Variants in DENND3 observed in about 807,000 individuals in gnomAD.
DENND3 encodes the protein DENN domain-containing protein 3.
Under a neutral mutation model 135.1 loss-of-function variants are expected in DENND3, and 88 were observed. That is an observed-to-expected ratio of 0.65 (90% CI 0.55 to 0.78). The LOEUF (loss-of-function observed/expected upper bound fraction) is 0.78. Ranked by LOEUF, DENND3 falls within the 30% of genes least tolerant of loss-of-function variation. The probability of loss-of-function intolerance (pLI) is 0.00; values close to 1 mark genes in which losing one functional copy is unlikely to be tolerated. For synonymous variants in DENND3, 693 were observed against 712.3 expected (o/e 0.97, Z 0.43); for missense variants, 1,392 against 1,688.4 (o/e 0.82, Z 3.08).
Position 141,146,626 on chromosome 8 carries a change from T to C in DENND3, c.735+2367T>C, listed in dbSNP as rs1818177172. On this transcript the variant is annotated intron_variant, in intron 5 of 22. Transcript: ENST00000519811. The surrounding 1 kb of genome is among the most constrained non-coding windows in gnomAD (Gnocchi z 4.3). ...GACAATGGAAAAAATAAGTTTCTTG[T>C]ATCAAAAGACACATGATTGTGAACT... 6.6e-6 allele frequency among the ~76,000 whole-genome samples: 1 copy of C among 152,234 alleles called. No individual in the cohort carries two copies. Among genetic ancestry groups the C allele is most frequent in the Non-Finnish European group, 1.5e-5 (1 of 68,044 alleles).
intron 13 of DENND3, chr8:141,173,729 T>A (rs1374999881): frequency 1.3e-5 from 2 of 152,350 alleles, no homozygotes; most frequent in African/African-American, 4.8e-5. Context: ...GATCTGAGGA[T>A]CTGAGGTCAC....
At chr8:141,183,367 T>G (rs1004834392) in intron 17 of DENND3, among the ~76,000 whole-genome samples, 3 of 151,678 alleles carry the variant, frequency 2.0e-5, no homozygotes, top group Non-Finnish European at 2.9e-5. Flanking sequence ...GCCCTCGGCC[T>G]CCTGATTAGC....
At chr8:141,157,623 T>A (rs371306288) in intron 8 of DENND3, 4 of 986,074 alleles carry the variant, frequency 4.1e-6, no homozygotes, top group Non-Finnish European at 4.8e-6. Context: ...TTTGTCTGCA[T>A]TGGGAGGAGT....
chr8:141,128,628 C>T lies in DENND3; in HGVS notation c.-80C>T, dbSNP rs984995449. 2.3e-6 allele frequency: 2 copies of T among 884,436 alleles called. No homozygotes were observed. The highest frequency in any genetic ancestry group is 2.9e-6 in the Non-Finnish European group (2 of 690,046). 54.8% of individuals were successfully genotyped at this position (884,436 alleles called of 1,614,324 possible). A position where few individuals can be genotyped will look rare whatever the true frequency, so the allele number is the denominator to read the frequency against. ...CAGCGCCCCCGGCCCCCAGGCGGCG[C>T]GGCTGGTCCCCAGGGGTCTGCGGGC... On this transcript the variant is annotated 5_prime_UTR_variant, in exon 1 of 23. Transcript: ENST00000519811. This position sits in a 1 kb window ranked among gnomAD's most constrained non-coding sequence, Gnocchi z 4.5.
Position 141,130,579 on chromosome 8 carries a change from C to T in DENND3, c.102+1770C>T, listed in dbSNP as rs1334094176. The stretch of plus-strand genomic sequence containing the variant: ...AGGGGATGGATTCCATTTCTTGGAG[C>T]CATCCTACTTTTAAGGTCAATATTA... On this transcript the variant is annotated intron_variant, in intron 1 of 22. Coordinates refer to ENST00000519811, the MANE Select transcript of DENND3 (RefSeq NM_001352890.3). The surrounding 1 kb of genome is among the most constrained non-coding windows in gnomAD (Gnocchi z 4.2). Among the ~76,000 whole-genome samples, 2 of 152,074 alleles carry T rather than the reference C, an allele frequency of 1.3e-5. No homozygotes were observed. The highest frequency in any genetic ancestry group is 4.1e-4 in the South Asian group (2 of 4,834).
At chr8:141,178,300 C>G in intron 16 of DENND3, 104 bp downstream of exon 16, 1 of 1,453,006 alleles carries the variant, frequency 6.9e-7, no homozygotes, top group Non-Finnish European at 9.1e-7. Flanking sequence ...GAGCCCAGCT[C>G]CCCCAGTTTT....
rs140940076 is a variant in DENND3, at chr8:141,182,031, C to T, written c.2944+1177C>T. 1.7e-3 allele frequency among the ~76,000 whole-genome samples: 254 copies of T among 152,248 alleles called. 6 individuals carry two copies. The East Asian group carries it at 0.029, about 17-fold the overall frequency. On this transcript the variant is annotated intron_variant, in intron 17 of 22. Transcript: ENST00000519811. This position sits in a 1 kb window ranked among gnomAD's most constrained non-coding sequence, Gnocchi z 5.9. ...CTGATCTCGAACTCCTGGGCTCAAGCGATACCTCTCCACCTTGGCCTCCCG... is the reference window on the plus strand; with the variant it reads ...CTGATCTCGAACTCCTGGGCTCAAGTGATACCTCTCCACCTTGGCCTCCCG...
In DENND3 at chr8:141,136,848, G is replaced by T. The variant is rs1816850769; in HGVS notation, c.385+57G>T. The stretch of plus-strand genomic sequence containing the variant: ...CTCCTGCTGCCGGCCACCCAGAGTG[G>T]TCTATTCCCAGAAACCCACAGGCAG... On this transcript the variant is annotated intron_variant, in intron 2 of 22. Coordinates refer to ENST00000519811, the MANE Select transcript of DENND3 (RefSeq NM_001352890.3). 4.1e-6 allele frequency: 6 copies of T among 1,469,240 alleles called. No individual in the cohort carries two copies. In the South Asian group the frequency reaches 5.6e-5, roughly 14 times the overall value. The allele number at this position is 1,469,240 out of a possible 1,614,324, so 91.0% of individuals were successfully genotyped here.
intron 16 of DENND3, among the ~76,000 whole-genome samples, chr8:141,179,474 C>G (rs1251609116): frequency 6.6e-6 from 1 of 152,260 alleles, no homozygotes; most frequent in Non-Finnish European, 1.5e-5. Context: ...GTGTGGTGCG[C>G]TGGCTCCCGC....
Position 141,195,052 on chromosome 8 carries a change from T to G in DENND3, c.*819T>G, listed in dbSNP as rs1438918849. On this transcript the variant is annotated 3_prime_UTR_variant, in exon 23 of 23. Transcript: ENST00000519811. ...CGTGCCGCTCAGTTCCCCGAATCCG[T>G]GTGCACACGTGTGATCTCGTCTTCA... 4 of 152,234 alleles carry G rather than the reference T, an allele frequency of 2.6e-5. No homozygotes were observed. The highest frequency in any genetic ancestry group is 7.2e-5 in the African/African-American group (3 of 41,462). 9.4% of individuals were successfully genotyped at this position (152,234 alleles called of 1,614,324 possible). A position where few individuals can be genotyped will look rare whatever the true frequency, so the allele number is the denominator to read the frequency against.
At chr8:141,193,009 G>C in intron 22 of DENND3, 1 of 824,302 alleles carries the variant, frequency 1.2e-6, no homozygotes, top group Non-Finnish European at 1.7e-6. Flanking sequence ...TGCACTCCAG[G>C]CCCTTCTCTC....
At chr8:141,173,564 C>T (rs765368349) in intron 13 of DENND3, 3 of 152,210 alleles carry the variant, frequency 2.0e-5, no homozygotes, top group African/African-American at 4.8e-5. Context: ...TAGTTGCTGC[C>T]GTGACGACTC....
Position 141,158,374 on chromosome 8 carries a change from A to G in DENND3, c.1197-2258A>G, listed in dbSNP as rs1020467466. The G allele has an allele frequency of 3.5e-6, 4 of 1,150,588 alleles. No individual in the cohort carries two copies. The African/African-American group carries it at 4.9e-5, about 14-fold the overall frequency. The allele number at this position is 1,150,588 out of a possible 1,614,324, so 71.3% of individuals were successfully genotyped here. ...GTGAGACTGTGTTGAAGCTCTGAGC[A>G]TTCCCAGGAAGGTAGGATTCTGCCT... On this transcript the variant is annotated intron_variant, in intron 8 of 22. Coordinates refer to ENST00000519811, the MANE Select transcript of DENND3 (RefSeq NM_001352890.3).
chr8:141,195,248 T>A lies in DENND3; in HGVS notation c.*1015T>A, dbSNP rs1825212162. The A allele has an allele frequency of 6.6e-6, 1 of 152,400 alleles. No individual in the cohort carries two copies. Among genetic ancestry groups the A allele is most frequent in the Non-Finnish European group, 1.5e-5 (1 of 68,078 alleles). The allele number at this position is 152,400 out of a possible 1,614,324, so 9.4% of individuals were successfully genotyped here. Reference sequence around the variant, plus strand: ...ATTACTTAAATGTTCTACGGAAGGTTCTGGTGTGGTTGTTGGAGCCGGAGG... The same window carrying A: ...ATTACTTAAATGTTCTACGGAAGGTACTGGTGTGGTTGTTGGAGCCGGAGG... On this transcript the variant is annotated 3_prime_UTR_variant, in exon 23 of 23. Coordinates refer to ENST00000519811, the MANE Select transcript of DENND3 (RefSeq NM_001352890.3).
chr8:141,171,025 G>A (rs112575886), intron 13 of DENND3, among the ~76,000 whole-genome samples: 7 of 152,312 alleles, frequency 4.6e-5, no homozygotes, highest in African/African-American at 1.4e-4. Context: ...AGGGTGCGTG[G>A]GCCCTGTCCA....
chr8:141,183,731 G>T (rs868328690), intron 17 of DENND3, among the ~76,000 whole-genome samples: 5,315 of 133,624 alleles, frequency 0.04, 232 homozygotes, highest in African/African-American at 0.13. Flanking sequence ...TCAGTTTTTT[G>T]TTTTGTTTTT....
intron 14 of DENND3, chr8:141,176,276 CAA>C (rs1444997133): frequency 1.8e-4 from 29 of 159,390 alleles, no homozygotes; most frequent in African/African-American, 1.3e-3. Flanking sequence ...TAAAAAAAAA[CAA>C]AAACAAAACA....
At chr8:141,170,742 C>T (rs1821440104) in intron 13 of DENND3, among the ~76,000 whole-genome samples, 2 of 152,198 alleles carry the variant, frequency 1.3e-5, no homozygotes, top group Admixed American at 1.3e-4. Context: ...GGCTGAATCC[C>T]ACTGGGGGTG....
At position 141,141,418 on chromosome 8, in the gene DENND3, G is replaced by A; in HGVS notation, c.623+94G>A. ...GGACCAGGGGGCTGGAGGTGGTGGG[G>A]GGGCAGCTCTCTGTTCCTCTCCTGG... On this transcript the variant is annotated intron_variant, in intron 4 of 22. Coordinates refer to ENST00000519811, the MANE Select transcript of DENND3 (RefSeq NM_001352890.3). This position sits in a 1 kb window ranked among gnomAD's most constrained non-coding sequence, Gnocchi z 5.3. 4.8e-6 allele frequency: 7 copies of A among 1,462,642 alleles called. No individual in the cohort carries two copies. In the South Asian group the frequency reaches 7.1e-5, roughly 15 times the overall value. 90.6% of individuals were successfully genotyped at this position (1,462,642 alleles called of 1,614,324 possible).
Sources: gnomAD v4.1 joint callset for allele counts (sites outside exome capture counted in the v4.1 genomes callset) on GRCh38, gnomAD v4.1.1 for gene constraint, Gnocchi (gnomAD v3.1) non-coding constraint, MANE v1.5 for transcripts, NCBI Gene and HGNC (gene_info 2026-07-23, HGNC 2026-07-21) for gene names.